Variants in SLC23A2 observed in about 807,000 individuals in gnomAD.
The protein encoded by SLC23A2 is solute carrier family 23 member 2, also known as Na(+)/L-ascorbic acid transporter 2.
SLC23A2 carries 36 observed loss-of-function variants against 73.3 expected under a neutral mutation model. That is an observed-to-expected ratio of 0.49 (90% CI 0.38 to 0.65). SLC23A2 has a LOEUF of 0.65. Among genes scored for constraint, SLC23A2 ranks in the 30% least tolerant of loss-of-function variants. The pLI, the probability that SLC23A2 is intolerant of heterozygous loss-of-function variation, is 0.00. For synonymous variants in SLC23A2, 343 were observed against 327.3 expected (o/e 1.05, Z -0.52); for missense variants, 507 against 841.6 (o/e 0.60, Z 4.92).
At chr20:4,976,953 G>A (rs547142481) in intron 1 of SLC23A2, among the ~76,000 whole-genome samples, 11 of 152,126 alleles carry the variant, frequency 7.2e-5, no homozygotes, top group East Asian at 1.9e-4. Flanking sequence ...TTCAGCCTGG[G>A]TGGCTGAGAG....
chr20:4,886,241 C>T (rs1341971698), intron 6 of SLC23A2, among the ~76,000 whole-genome samples: 1 of 152,218 alleles, frequency 6.6e-6, no homozygotes, highest in Non-Finnish European at 1.5e-5. Flanking sequence ...TCCCTCTTTC[C>T]TGCTGAGCTT....
intron 3 of SLC23A2, among the ~76,000 whole-genome samples, chr20:4,927,816 C>T (rs1932722658): frequency 6.6e-6 from 1 of 152,042 alleles, no homozygotes; most frequent in South Asian, 2.1e-4. Flanking sequence ...TCTCCCAGAC[C>T]CACCAATTCT....
At chr20:4,965,546 C>CGTAT (rs1454568044) in intron 2 of SLC23A2, among the ~76,000 whole-genome samples, 1 of 152,074 alleles carries the variant, frequency 6.6e-6, no homozygotes, top group East Asian at 1.9e-4. Context: ...CCAAGGCAGG[C>CGTAT]GTATCACTTG....
intron 6 of SLC23A2, among the ~76,000 whole-genome samples, chr20:4,891,237 G>A (rs1438203119): frequency 6.6e-6 from 1 of 152,162 alleles, no homozygotes; most frequent in Non-Finnish European, 1.5e-5. Flanking sequence ...GGGCAAGAAG[G>A]ACCTGACAGT....
At chr20:4,959,632 G>C (rs1210384964) in intron 2 of SLC23A2, among the ~76,000 whole-genome samples, 2 of 152,044 alleles carry the variant, frequency 1.3e-5, no homozygotes. Flanking sequence ...CAAGTAGATG[G>C]GACTATAGGT....
At chr20:4,923,397 C>T (rs1932566158) in intron 3 of SLC23A2, among the ~76,000 whole-genome samples, 1 of 152,098 alleles carries the variant, frequency 6.6e-6, no homozygotes, top group South Asian at 2.1e-4. Flanking sequence ...CACTTTTTCC[C>T]CCCAACTTAC....
chr20:4,876,156 C>G (rs1016490331), intron 9 of SLC23A2, among the ~76,000 whole-genome samples: 3 of 152,182 alleles, frequency 2.0e-5, no homozygotes, highest in Non-Finnish European at 4.4e-5. Flanking sequence ...GATACTAAAA[C>G]TGGAATATTT....
At chr20:4,991,637 G>T (rs2087923620) in intron 1 of SLC23A2, among the ~76,000 whole-genome samples, 2 of 150,726 alleles carry the variant, frequency 1.3e-5, no homozygotes, top group Admixed American at 6.6e-5. Context: ...CAGGAGAATT[G>T]CTTGAATCCA....
At chr20:5,004,074 G>T (rs2088163637), upstream of SLC23A2, among the ~76,000 whole-genome samples, 1 of 151,846 alleles carries the variant, frequency 6.6e-6, no homozygotes, top group African/African-American at 2.4e-5. Context: ...CCCTCTGAAG[G>T]TCAGCCATCT....
At chr20:4,922,549 C>T (rs1320088974) in intron 3 of SLC23A2, among the ~76,000 whole-genome samples, 2 of 152,096 alleles carry the variant, frequency 1.3e-5, no homozygotes, top group East Asian at 1.9e-4. Flanking sequence ...GGTGAGAGGC[C>T]GGGCACAGTG....
At chr20:4,887,347 G>A (rs1481869010) in intron 6 of SLC23A2, among the ~76,000 whole-genome samples, 4 of 152,338 alleles carry the variant, frequency 2.6e-5, no homozygotes, top group Admixed American at 6.5e-5. Flanking sequence ...AATTAGGGAC[G>A]GATGCTGTAT....
chr20:4,870,944 T>G (rs948424156), intron 11 of SLC23A2, among the ~76,000 whole-genome samples: 1 of 152,212 alleles, frequency 6.6e-6, no homozygotes, highest in African/African-American at 2.4e-5. Context: ...GAAAGCAAAG[T>G]GAGGCCCCAC....
chr20:4,947,246 C>G lies in SLC23A2; in HGVS notation c.-154-14530G>C, dbSNP rs1263481122. 1.3e-5 allele frequency among the ~76,000 whole-genome samples: 2 copies of G among 152,198 alleles called. No individual in the cohort carries two copies. Among genetic ancestry groups the G allele is most frequent in the African/African-American group, 4.8e-5 (2 of 41,460 alleles). On this transcript the variant is annotated intron_variant, in intron 2 of 16. Transcript: ENST00000338244. This position sits in a 1 kb window ranked among gnomAD's most constrained non-coding sequence, Gnocchi z 4.4. ...GGCATTCAAATACTTGGGGAAATCC[C>G]TGACTCGTTCAGGGAAATCTTGTGG...
At chr20:4,991,720 T>TCTCACACACA (rs1555809316) in intron 1 of SLC23A2, among the ~76,000 whole-genome samples, 1 of 139,314 alleles carries the variant, frequency 7.2e-6, no homozygotes, top group Admixed American at 7.4e-5. Context: ...AGACTCCGTT[T>TCTCACACACA]CACACACACA....
chr20:4,930,811 G>A (rs947625339), intron 3 of SLC23A2, among the ~76,000 whole-genome samples: 4 of 150,828 alleles, frequency 2.7e-5, no homozygotes, highest in African/African-American at 4.9e-5. Context: ...AGAGCAAGAC[G>A]GTCTCAAAAA....
intron 2 of SLC23A2, among the ~76,000 whole-genome samples, chr20:4,964,574 G>A (rs139757036): frequency 1.6e-4 from 25 of 152,224 alleles, no homozygotes; most frequent in African/African-American, 5.5e-4. Context: ...GGTGACTGAC[G>A]TGGCAACGTA....
intron 3 of SLC23A2, among the ~76,000 whole-genome samples, chr20:4,928,457 C>T (rs1189082250): frequency 6.6e-6 from 1 of 152,138 alleles, no homozygotes; most frequent in Non-Finnish European, 1.5e-5. Flanking sequence ...TTTATGTAAT[C>T]TACTTTATCT....
chr20:4,902,515 G>C lies in SLC23A2; in HGVS notation c.251C>G (p.Pro84Arg), dbSNP rs1420853876. The change falls in exon 5 of 17, where the codon CCC becomes CGC. Residue 84 changes from proline to arginine, a missense_variant. This residue lies in a region of SLC23A2 where 78 missense variants were observed against 86.7 expected (regional missense o/e 0.90). Coordinates refer to ENST00000338244, the MANE Select transcript of SLC23A2 (RefSeq NM_005116.6). The surrounding 1 kb of genome is among the most constrained non-coding windows in gnomAD (Gnocchi z 4.0). ...GGTATAAATCATGTCTGATCGCTGG[G>C]GGTCCAGACTGCCAGTGCTATCCAG... is the stretch of plus-strand genomic sequence containing the variant. ...ETLDSTGSLD[P>R]QRSDMIYTIE... 1 of 1,613,088 alleles carries C rather than the reference G, an allele frequency of 6.2e-7. No homozygotes were observed. The highest frequency in any genetic ancestry group is 1.7e-4 in the Middle Eastern group (1 of 6,060).
intron 2 of SLC23A2, among the ~76,000 whole-genome samples, chr20:4,941,726 A>G (rs369052800): frequency 1.3e-5 from 2 of 151,998 alleles, no homozygotes; most frequent in East Asian, 1.9e-4. Context: ...AAAAGTTGTT[A>G]ATAAGGTAGA....
Sources: gnomAD v4.1 joint callset for allele counts (sites outside exome capture counted in the v4.1 genomes callset) on GRCh38, gnomAD v4.1.1 for gene constraint, gnomAD v4.1.1 regional missense constraint, Gnocchi (gnomAD v3.1) non-coding constraint, MANE v1.5 for transcripts, NCBI Gene and HGNC (gene_info 2026-07-23, HGNC 2026-07-21) for gene names.